The following EYS variants were observed in gnomAD, a reference collection of about 807,000 sequenced individuals.
EYS encodes protein eyes shut homolog.
In EYS, 250 loss-of-function variants were observed where a neutral mutation model predicts 282.1. That is an observed-to-expected ratio of 0.89 (90% CI 0.80 to 0.98). The LOEUF (loss-of-function observed/expected upper bound fraction) is 0.98. Among genes scored for constraint, EYS ranks in the 50% least tolerant of loss-of-function variants. EYS has a pLI of 0.00. For missense variants in EYS, 4,016 were observed against 3,709.0 expected (o/e 1.08, Z -2.15); for synonymous variants, 1,355 against 1,282.9 (o/e 1.06, Z -1.20).
intron 12 of EYS, among the ~76,000 whole-genome samples, chr6:65,153,829 C>T (rs1191421797): frequency 1.3e-5 from 2 of 151,808 alleles, no homozygotes; most frequent in Non-Finnish European, 2.9e-5. Flanking sequence ...ATTTGTTGCA[C>T]TCTCTGGCTT....
At chr6:64,052,206 T>G (rs1206062896) in intron 33 of EYS, among the ~76,000 whole-genome samples, 1 of 152,146 alleles carries the variant, frequency 6.6e-6, no homozygotes, top group Non-Finnish European at 1.5e-5. Flanking sequence ...GTTAGAGTCA[T>G]CAAATGTAAT....
intron 36 of EYS, among the ~76,000 whole-genome samples, chr6:63,851,552 C>T (rs897969450): frequency 6.6e-6 from 1 of 152,142 alleles, no homozygotes; most frequent in African/African-American, 2.4e-5. Flanking sequence ...GGAAAATGAA[C>T]AACCTGCTCC....
At chr6:65,627,401 C>T (rs542666324) in intron 2 of EYS, among the ~76,000 whole-genome samples, 16 of 152,296 alleles carry the variant, frequency 1.1e-4, no homozygotes, top group Non-Finnish European at 1.6e-4. Context: ...CTCGGTGCCT[C>T]CTCTGCCTGG....
intron 28 of EYS, among the ~76,000 whole-genome samples, chr6:64,393,973 T>A (rs1166520593): frequency 6.6e-6 from 1 of 151,912 alleles, no homozygotes; most frequent in East Asian, 1.9e-4. Flanking sequence ...TCACAAGCAT[T>A]CTTATACACC....
At chr6:64,708,875 AATTT>A (rs1294256021) in intron 22 of EYS, among the ~76,000 whole-genome samples, 3 of 152,320 alleles carry the variant, frequency 2.0e-5, no homozygotes, top group Non-Finnish European at 2.9e-5. Flanking sequence ...ATCCTACCAG[AATTT>A]ATGAAACTTT....
At chr6:65,335,173 T>C in intron 10 of EYS, 27 bp from the exon 11 acceptor site, 6 of 1,496,106 alleles carry the variant, frequency 4.0e-6, no homozygotes, top group Non-Finnish European at 5.6e-6. Flanking sequence ...AGTAAAAATG[T>C]TATGAATTCC....
rs760475178 is a variant in EYS, at chr6:65,001,598, A to G, written c.2138-3895T>C. Among the ~76,000 whole-genome samples the G allele has an allele frequency of 2.3e-4, 34 of 148,024 alleles. 5 individuals are homozygous for G. The highest frequency in any genetic ancestry group is 6.8e-3 in the Middle Eastern group (2 of 292). ...TGGAAAAACAGGAATGCCTGTTCTC[A>G]TTTATGGCTACGGGTATCCAGGCTT... is the stretch of plus-strand genomic sequence containing the variant. On this transcript the variant is annotated intron_variant, in intron 13 of 42. Transcript: ENST00000503581.
intron 13 of EYS, among the ~76,000 whole-genome samples, chr6:65,021,244 C>A (rs1772245199): frequency 6.6e-6 from 1 of 152,162 alleles, no homozygotes; most frequent in Non-Finnish European, 1.5e-5. Flanking sequence ...GCTCCGCTTC[C>A]TTTTGGATGC....
At chr6:65,311,797 C>A (rs1351973614) in intron 11 of EYS, among the ~76,000 whole-genome samples, 3 of 151,960 alleles carry the variant, frequency 2.0e-5, no homozygotes, top group Admixed American at 6.6e-5. Flanking sequence ...ATTATGTATC[C>A]CAAAGCAGAA....
intron 13 of EYS, among the ~76,000 whole-genome samples, chr6:65,020,884 A>G (rs1232853498): frequency 1.3e-5 from 2 of 152,086 alleles, no homozygotes; most frequent in Non-Finnish European, 2.9e-5. Context: ...AAGGCTTGGG[A>G]CTTGCACCCT....
At chr6:65,338,687 G>T (rs1483213284) in intron 10 of EYS, among the ~76,000 whole-genome samples, 1 of 151,044 alleles carries the variant, frequency 6.6e-6, no homozygotes, top group East Asian at 1.9e-4. Context: ...TTTACTTGAT[G>T]AAGGAATGCA....
chr6:64,082,127 C>A, intron 31 of EYS, 125 bp from the exon 32 acceptor site: 1 of 602,420 alleles, frequency 1.7e-6, no homozygotes. Flanking sequence ...AATGTTAGGT[C>A]CAATTTTAAG....
At chr6:64,065,918 TA>T (rs1244168454) in intron 33 of EYS, among the ~76,000 whole-genome samples, 1 of 152,194 alleles carries the variant, frequency 6.6e-6, no homozygotes, top group Non-Finnish European at 1.5e-5. Flanking sequence ...GATGGACTTT[TA>T]AAATTCTTTT....
intron 13 of EYS, among the ~76,000 whole-genome samples, chr6:65,056,191 A>T (rs1168091098): frequency 6.6e-6 from 1 of 151,962 alleles, no homozygotes; most frequent in Non-Finnish European, 1.5e-5. Flanking sequence ...AGCTCCTTCC[A>T]TTGGCTCGCT....
intron 14 of EYS, among the ~76,000 whole-genome samples, chr6:64,972,424 G>C (rs1434919269): frequency 6.6e-6 from 1 of 151,966 alleles, no homozygotes; most frequent in Non-Finnish European, 1.5e-5. Context: ...TCTCTCTCCT[G>C]CCTCTCCTTC....
chr6:64,369,623 C>T (rs1772288192), intron 29 of EYS, among the ~76,000 whole-genome samples: 1 of 151,832 alleles, frequency 6.6e-6, no homozygotes, highest in African/African-American at 2.4e-5. Flanking sequence ...AAGTCTTTCA[C>T]CTCTACAGTG....
chr6:64,602,796 G>T (rs1411776642), intron 24 of EYS, among the ~76,000 whole-genome samples: 4 of 151,926 alleles, frequency 2.6e-5, no homozygotes, highest in African/African-American at 9.7e-5. Flanking sequence ...TGCCAAACAG[G>T]AGCTCAAAAT....
intron 22 of EYS, among the ~76,000 whole-genome samples, chr6:64,738,830 T>C (rs982256220): frequency 6.6e-6 from 1 of 152,226 alleles, no homozygotes; most frequent in African/African-American, 2.4e-5. Flanking sequence ...CGATCTTGGC[T>C]CACTGCAACC....
At chr6:64,886,082 T>C (rs1440556074) in intron 19 of EYS, among the ~76,000 whole-genome samples, 1 of 151,900 alleles carries the variant, frequency 6.6e-6, no homozygotes, top group Admixed American at 6.6e-5. Flanking sequence ...TATATTATTG[T>C]TAGTCCCATA....
Sources: gnomAD v4.1 joint callset for allele counts (sites outside exome capture counted in the v4.1 genomes callset) on GRCh38, gnomAD v4.1.1 for gene constraint, MANE v1.5 for transcripts, NCBI Gene and HGNC (gene_info 2026-07-23, HGNC 2026-07-21) for gene names.